The following MESD variants were observed in gnomAD, a reference collection of about 807,000 sequenced individuals.
MESD encodes the protein mesoderm development LRP chaperone.
Under a neutral mutation model 12.9 loss-of-function variants are expected in MESD, and 7 were observed. The ratio of observed to expected loss-of-function variants is 0.54; its 90% CI spans 0.31 to 1.02. The LOEUF is 1.02. MESD is among the 50% of genes least tolerant of loss of function. The pLI is 0.05. For synonymous variants in MESD, 126 were observed against 115.6 expected, an observed-to-expected ratio of 1.09 and a Z score of -0.58; for missense variants, 342 against 296.7, an observed-to-expected ratio of 1.15 and a Z score of -1.12.
chr15:80,955,136 GAA>G (rs10714731), intron 3 of MESD, among the ~76,000 whole-genome samples: 43 of 134,732 alleles, frequency 3.2e-4, no homozygotes, highest in Admixed American at 2.0e-3. Flanking sequence ...GTCTCTACTA[GAA>G]AAAAAAAAAA....
chr15:80,962,160 T>C (rs1902098150), intron 3 of MESD, among the ~76,000 whole-genome samples: 2 of 151,912 alleles, frequency 1.3e-5, no homozygotes, highest in Admixed American at 6.6e-5. Flanking sequence ...ACCAAGCAAA[T>C]GGAAAGCGAA....
chr15:80,955,665 G>C (rs1479222468), intron 3 of MESD, among the ~76,000 whole-genome samples: 1 of 150,710 alleles, frequency 6.6e-6, no homozygotes, highest in African/African-American at 2.4e-5. Context: ...CTTTAGCCCA[G>C]GCTGGAGTGA....
chr15:80,986,225 A>G (rs945456376), intron 1 of MESD, among the ~76,000 whole-genome samples: 6 of 152,214 alleles, frequency 3.9e-5, no homozygotes, highest in African/African-American at 1.2e-4. Context: ...TTGTGTTCAC[A>G]TAAGTGGAGA....
At chr15:80,951,260 A>G (rs929740703) in intron 4 of MESD, 3 of 152,658 alleles carry the variant, frequency 2.0e-5, no homozygotes, top group African/African-American at 4.8e-5. Flanking sequence ...TTTAAAAAAG[A>G]TATCTATTTG....
Position 80,979,269 on chromosome 15 carries a change from G to T in MESD, c.655C>A (p.Arg219=). 6.2e-7 allele frequency: 1 copy of T among 1,613,948 alleles called. No homozygotes were observed. Among genetic ancestry groups the T allele is most frequent in the Non-Finnish European group, 8.5e-7 (1 of 1,180,036 alleles). The change falls in exon 3 of 3, where the codon CGG becomes AGG. Residue 219 remains arginine (R), a synonymous_variant. Transcript: ENST00000261758. ...GCTCGATTTTCTTCCTTGGAAGACCGAGATTTCAGATCTCCTTCCTTCTTT... is the reference window on the plus strand; with the variant it reads ...GCTCGATTTTCTTCCTTGGAAGACCTAGATTTCAGATCTCCTTCCTTCTTT... ...KKKKEGDLKS[R]SSKEENRAGN...
At chr15:80,988,051 T>G (rs1902781589) in intron 1 of MESD, among the ~76,000 whole-genome samples, 1 of 152,238 alleles carries the variant, frequency 6.6e-6, no homozygotes. Flanking sequence ...CTCCTGCAGT[T>G]TCTAGCTTAA....
At chr15:80,968,809 T>C (rs930955281) in intron 3 of MESD, among the ~76,000 whole-genome samples, 2 of 152,196 alleles carry the variant, frequency 1.3e-5, no homozygotes, top group Non-Finnish European at 2.9e-5. Context: ...GCTAATAAAA[T>C]GCAGAGCTGG....
At chr15:80,956,811 A>C (rs1424688705) in intron 3 of MESD, among the ~76,000 whole-genome samples, 1 of 151,090 alleles carries the variant, frequency 6.6e-6, no homozygotes, top group Admixed American at 6.6e-5. Flanking sequence ...TAAGCTCTTC[A>C]TCTTCTCTCT....
chr15:80,984,807 T>C (rs958206931), intron 1 of MESD, among the ~76,000 whole-genome samples: 2 of 152,188 alleles, frequency 1.3e-5, no homozygotes, highest in African/African-American at 4.8e-5. Flanking sequence ...CCTAAGTCAC[T>C]CTTACTGAAC....
chr15:80,982,660 G>C (rs1365583067), intron 1 of MESD, among the ~76,000 whole-genome samples: 1 of 152,234 alleles, frequency 6.6e-6, no homozygotes, highest in Admixed American at 6.5e-5. Context: ...AATTAGAACA[G>C]TGTTGCCTGT....
intron 3 of MESD, among the ~76,000 whole-genome samples, chr15:80,970,049 T>C (rs1163109432): frequency 6.6e-6 from 1 of 152,198 alleles, no homozygotes; most frequent in Non-Finnish European, 1.5e-5. Flanking sequence ...AGATAATCCC[T>C]TGGATTTCCA....
intron 1 of MESD, among the ~76,000 whole-genome samples, chr15:80,984,565 T>G (rs1384601403): frequency 1.3e-5 from 2 of 152,194 alleles, no homozygotes; most frequent in African/African-American, 4.8e-5. Context: ...AGACAGAAGG[T>G]AGATAAGCGA....
intron 3 of MESD, among the ~76,000 whole-genome samples, chr15:80,957,599 A>AACAC (rs36008211): frequency 0.01 from 1,525 of 148,890 alleles, 22 homozygotes; most frequent in African/African-American, 0.035. Context: ...TCCACTGCAA[A>AACAC]ACACACACAC....
chr15:80,981,478 T>G lies in MESD; in HGVS notation c.446+472A>C, dbSNP rs367801298. ...AAAACAAACTAGATAGATAAATAAT[T>G]TTAAAAGAAAACCTAGAAAGGAAAG... On this transcript the variant is annotated intron_variant, in intron 2 of 2. Coordinates refer to ENST00000261758, the MANE Select transcript of MESD (RefSeq NM_015154.3). Among the ~76,000 whole-genome samples the G allele has an allele frequency of 4.0e-5, 6 of 148,770 alleles. 1 individual carries two copies. The South Asian group carries it at 1.1e-3, about 27-fold the overall frequency.
In MESD at chr15:80,989,746, C is replaced by T; in HGVS notation, c.46G>A (p.Ala16Thr). ...WARKAVVLLC[A>T]SDLLLLLLLL... ...AGCAGCAGCAGCAGCAGGTCAGAGG[C>T]ACAAAGCAGGACCACGGCCTTGCGC... The change falls in exon 1 of 3, where the codon GCC becomes ACC. Residue 16 changes from alanine (A) to threonine (T), a missense_variant. Ala to Thr is a moderately conservative substitution (Grantham distance 58). Transcript: ENST00000261758. The T allele has an allele frequency of 6.2e-7, 1 of 1,603,030 alleles. No individual in the cohort carries two copies.
intron 1 of MESD, among the ~76,000 whole-genome samples, chr15:80,988,050 T>C (rs1902781516): frequency 8.5e-5 from 13 of 152,234 alleles, no homozygotes; most frequent in Admixed American, 8.5e-4. Context: ...GCTCCTGCAG[T>C]TTCTAGCTTA....
At position 80,979,218 on chromosome 15, in the gene MESD, A is replaced by T. The variant is rs1902504465; in HGVS notation, c.*1T>A. 3 of 1,612,830 alleles carry T rather than the reference A, an allele frequency of 1.9e-6. No individual in the cohort carries two copies. The highest frequency in any genetic ancestry group is 2.5e-6 in the Non-Finnish European group (3 of 1,179,530). On this transcript the variant is annotated 3_prime_UTR_variant, in exon 3 of 3. Transcript: ENST00000261758. ...CCCCACAGCGCGTCACTGCTGCCCCATCACAGGTCTTCTCTTTTATTCCCA... is the reference window on the plus strand; with the variant it reads ...CCCCACAGCGCGTCACTGCTGCCCCTTCACAGGTCTTCTCTTTTATTCCCA...
In MESD at chr15:80,976,939, G is replaced by T. The variant is rs1477124826; in HGVS notation, c.*2280C>A. On this transcript the variant is annotated 3_prime_UTR_variant, in exon 3 of 3. Coordinates refer to ENST00000261758, the MANE Select transcript of MESD (RefSeq NM_015154.3). ...ACCTCCCAGCTCACGGCTCACACCT[G>T]CTGGGGTCCTCTTCTGATCACTTCT... 6.6e-6 allele frequency: 1 copy of T among 152,366 alleles called. No individual in the cohort carries two copies. Among genetic ancestry groups the T allele is most frequent in the Non-Finnish European group, 1.5e-5 (1 of 68,166 alleles). The allele number at this position is 152,366 out of a possible 1,614,324, so 9.4% of individuals were successfully genotyped here. A position where few individuals can be genotyped will look rare whatever the true frequency, so the allele number is the denominator to read the frequency against.
chr15:80,972,474 T>G (rs1055231058), downstream of MESD, among the ~76,000 whole-genome samples: 1 of 151,398 alleles, frequency 6.6e-6, no homozygotes, highest in African/African-American at 2.4e-5. Context: ...CCAGGGAGGG[T>G]GGGAGAGCAG....
Sources: gnomAD v4.1 joint callset for allele counts (sites outside exome capture counted in the v4.1 genomes callset) on GRCh38, gnomAD v4.1.1 for gene constraint, MANE v1.5 for transcripts, NCBI Gene and HGNC (gene_info 2026-07-23, HGNC 2026-07-21) for gene names.